S100A12: variants seen among roughly 807,000 people sequenced by gnomAD.
S100A12 encodes S100 calcium binding protein A12, also known as protein S100-A12.
In S100A12, 3 loss-of-function variants were observed where a neutral mutation model predicts 4.0. That is an observed-to-expected ratio of 0.75 (90% confidence interval 0.34 to 1.94). S100A12 has a LOEUF of 1.94. Among genes scored for constraint, S100A12 ranks in the 30% most tolerant of loss-of-function variants. The pLI is 0.07. For missense variants in S100A12, 122 were observed against 107.0 expected (o/e 1.14, Z -0.62); for synonymous variants, 50 against 41.4 (o/e 1.21, Z -0.79).
rs1426770717 is a variant in S100A12 at position 153,374,555 on chromosome 1, T to C, written c.38A>G (p.Asn13Ser). 1.9e-6 allele frequency: 3 copies of C among 1,613,942 alleles called. No homozygotes were observed. The highest frequency in any genetic ancestry group is 2.5e-6 in the Non-Finnish European group (3 of 1,179,820). Residue 13 changes from asparagine to serine, a missense_variant, in exon 2 of 3, where the codon AAT (asparagine) becomes AGT (serine). Physicochemically the swap from Asn to Ser is conservative, Grantham distance 46. Coordinates refer to ENST00000368737, the MANE Select transcript of S100A12 (RefSeq NM_005621.2). ...CCGAACTGAGTATTGGTGGAAGATA[T>C]TGACAATTCCCTCCAGATGCTCTTC... is the stretch of plus-strand genomic sequence containing the variant. ...KLEEHLEGIV[N>S]IFHQYSVRKG...
chr1:153,374,615 T>G lies in S100A12; in HGVS notation c.-20-3A>C, dbSNP rs1245840855. 18 of 1,607,990 alleles carry G rather than the reference T, an allele frequency of 1.1e-5. No homozygotes were observed. The highest frequency in any genetic ancestry group is 1.4e-5 in the Non-Finnish European group (17 of 1,176,008). ...CATCTTCCCAGCCTAATGTTAACCT[T>G]CAAGGAAACAAGGGAAGTCTAGAGG... On this transcript the variant is annotated splice_region_variant and splice_polypyrimidine_tract_variant and intron_variant, in intron 1 of 2. Coordinates refer to ENST00000368737, the MANE Select transcript of S100A12 (RefSeq NM_005621.2).
At position 153,374,561 on chromosome 1, in the gene S100A12, A is replaced by G. The variant is rs1661687003; in HGVS notation, c.32T>C (p.Ile11Thr). ...TGAGTATTGGTGGAAGATATTGACA[A>G]TTCCCTCCAGATGCTCTTCAAGTTT... MTKLEEHLEGIVNIFHQYSVR... is the reference protein window; with the variant it reads MTKLEEHLEGTVNIFHQYSVR... Residue 11 changes from isoleucine to threonine, a missense_variant, in exon 2 of 3, where the codon ATT becomes ACT. Transcript: ENST00000368737. 5.0e-6 allele frequency: 8 copies of G among 1,613,908 alleles called. No individual in the cohort carries two copies. The highest frequency in any genetic ancestry group is 6.8e-6 in the Non-Finnish European group (8 of 1,179,826).
At position 153,375,552 on chromosome 1, in the gene S100A12, C is replaced by T. The variant is rs1661717040; in HGVS notation, c.-21G>A. The T allele has an allele frequency of 6.6e-6, 1 of 152,316 alleles. No individual in the cohort carries two copies. The highest frequency in any genetic ancestry group is 2.4e-5 in the African/African-American group (1 of 41,438). 9.4% of individuals were successfully genotyped at this position (152,316 alleles called of 1,614,324 possible). ...ACCCATCCAAGGAAAATGCACTTAC[C>T]CCTCAATGCACAGGAATGTGGAGCT... On this transcript the variant is annotated splice_region_variant and 5_prime_UTR_variant, in exon 1 of 3. Transcript: ENST00000368737.
At chr1:153,374,153 A>C in intron 2 of S100A12, 186 bp from the exon 3 acceptor site, 1 of 727,062 alleles carries the variant, frequency 1.4e-6, no homozygotes, top group Admixed American at 2.0e-5. Context: ...CCCTGGAATT[A>C]ACAAGGCTTG....
chr1:153,374,046 G>A (rs778484826), intron 2 of S100A12, 79 bp from the exon 3 acceptor site: 4 of 1,398,012 alleles, frequency 2.9e-6, no homozygotes, highest in East Asian at 2.3e-5. Context: ...ATCCCTCAGA[G>A]CTCGGGTTGT....
intron 1 of S100A12, 29 bp from the exon 2 acceptor site, chr1:153,374,641 C>A (rs375552242): frequency 6.5e-7 from 1 of 1,541,892 alleles, no homozygotes; most frequent in South Asian, 1.2e-5. Flanking sequence ...AGTCTAGAGG[C>A]AGTTTCTCCC....
Position 153,373,720 on chromosome 1 carries a change from G to T in S100A12, c.*107C>A. On this transcript the variant is annotated 3_prime_UTR_variant, in exon 3 of 3. Transcript: ENST00000368737. ...AGACACTATTCAGAACTTTTCGTGA[G>T]TGTGTTTATTAACTCTTACTCCCCA... The T allele has an allele frequency of 1.1e-6, 1 of 933,984 alleles. No individual in the cohort carries two copies. The highest frequency in any genetic ancestry group is 1.7e-6 in the Non-Finnish European group (1 of 595,960). 57.9% of individuals were successfully genotyped at this position (933,984 alleles called of 1,614,324 possible). A position where few individuals can be genotyped will look rare whatever the true frequency, so the allele number is the denominator to read the frequency against.
intron 1 of S100A12, among the ~76,000 whole-genome samples, chr1:153,375,311 G>A (rs988713163): frequency 6.6e-6 from 1 of 152,170 alleles, no homozygotes; most frequent in Non-Finnish European, 1.5e-5. Flanking sequence ...GCCTCCCAAA[G>A]TGCTGGGATT....
intron 2 of S100A12, 91 bp downstream of exon 2, chr1:153,374,364 C>CA (rs1661682698): frequency 7.4e-7 from 1 of 1,356,828 alleles, no homozygotes; most frequent in African/African-American, 1.4e-5. Context: ...AACCCCACCC[C>CA]AGTCCTTGTC....
chr1:153,374,743 C>T, intron 1 of S100A12, 131 bp from the exon 2 acceptor site: 1 of 647,782 alleles, frequency 1.5e-6, no homozygotes, highest in South Asian at 1.8e-5. Flanking sequence ...GGTCTCTGCT[C>T]TGTTTGATCC....
Position 153,373,958 on chromosome 1 carries a change from C to T in S100A12, c.148G>A (p.Asp50Asn). 2 of 1,613,866 alleles carry T rather than the reference C, an allele frequency of 1.2e-6. No individual in the cohort carries two copies. Among genetic ancestry groups the T allele is most frequent in the Middle Eastern group, 1.6e-4 (1 of 6,062 alleles). The change falls in exon 3 of 3, where the codon GAT becomes AAT. Residue 50 changes from aspartate (D) to asparagine (N), a missense_variant. Coordinates refer to ENST00000368737, the MANE Select transcript of S100A12 (RefSeq NM_005621.2). Reference sequence around the variant, plus strand: ...AATATTTCATCAATGACAGCTTTATCTTTGATATTCTAGGAAAAAAGGACA... The same window carrying T: ...AATATTTCATCAATGACAGCTTTATTTTTGATATTCTAGGAAAAAAGGACA... ...ELANTIKNIK[D>N]KAVIDEIFQG...
rs747439409 is a variant in S100A12 at position 153,373,948 on chromosome 1, A to G, written c.158T>C (p.Val53Ala). Reference protein sequence around the residue: ...NTIKNIKDKAVIDEIFQGLDA... With the variant: ...NTIKNIKDKAAIDEIFQGLDA... ...CAGGCCTTGGAATATTTCATCAATG[A>G]CAGCTTTATCTTTGATATTCTAGGA... Residue 53 changes from valine (V) to alanine (A), a missense_variant, in exon 3 of 3, where the codon GTC becomes GCC. Val to Ala is a moderately conservative substitution (Grantham distance 64). Coordinates refer to ENST00000368737, the MANE Select transcript of S100A12 (RefSeq NM_005621.2). 1.9e-6 allele frequency: 3 copies of G among 1,613,716 alleles called. No individual in the cohort carries two copies. The highest frequency in any genetic ancestry group is 2.7e-5 in the African/African-American group (2 of 74,926).
At position 153,373,856 on chromosome 1, in the gene S100A12, C is replaced by A; in HGVS notation, c.250G>T (p.Ala84Ser). 6.2e-7 allele frequency: 1 copy of A among 1,613,892 alleles called. No homozygotes were observed. Among genetic ancestry groups the A allele is most frequent in the African/African-American group, 1.3e-5 (1 of 75,046 alleles). The change falls in exon 3 of 3, where the codon GCT becomes TCT. Residue 84 changes from alanine to serine, a missense_variant. Physicochemically the swap from Ala to Ser is moderately conservative, Grantham distance 99 (BLOSUM62 1). Transcript: ENST00000368737. ...TCTTTGTGGGTGTGGTAATGGGCAG[C>A]CTTCAGCGCAATGGCTACCAGGGAT... ...FISLVAIALK[A>S]AHYHTHKE
rs1418812886 is a variant in S100A12, at chr1:153,375,278, C to A, written c.-21+274G>T. 4.6e-5 allele frequency among the ~76,000 whole-genome samples: 7 copies of A among 152,166 alleles called. No individual in the cohort carries two copies. In the East Asian group the frequency reaches 1.4e-3, roughly 29 times the overall value. ...TTAGCCAGGATGGTCTCGATCTCCT[C>A]ACCTCATGATCCGCCCGCCTCGGCC... On this transcript the variant is annotated intron_variant, in intron 1 of 2. Coordinates refer to ENST00000368737, the MANE Select transcript of S100A12 (RefSeq NM_005621.2).
At chr1:153,374,860 C>T (rs1235880042) in intron 1 of S100A12, among the ~76,000 whole-genome samples, 1 of 152,176 alleles carries the variant, frequency 6.6e-6, no homozygotes, top group Non-Finnish European at 1.5e-5. Flanking sequence ...ACCACCTCAT[C>T]CACCGGGGTG....
intron 2 of S100A12, 52 bp downstream of exon 2, chr1:153,374,403 C>T: frequency 3.2e-6 from 5 of 1,560,646 alleles, no homozygotes; most frequent in Non-Finnish European, 3.5e-6. Flanking sequence ...CCTTGCCACT[C>T]CCCTCAGTGC....
In S100A12 at chr1:153,373,933, A is replaced by T; in HGVS notation, c.173T>A (p.Phe58Tyr). 6.2e-7 allele frequency: 1 copy of T among 1,613,562 alleles called. No homozygotes were observed. The highest frequency in any genetic ancestry group is 8.5e-7 in the Non-Finnish European group (1 of 1,179,470). Reference protein sequence around the residue: ...IKDKAVIDEIFQGLDANQDEQ... With the variant: ...IKDKAVIDEIYQGLDANQDEQ... ...ATCTTGATTAGCATCCAGGCCTTGG[A>T]ATATTTCATCAATGACAGCTTTATC... Residue 58 changes from phenylalanine to tyrosine, a missense_variant, in exon 3 of 3, where the codon TTC (phenylalanine) becomes TAC (tyrosine). Physicochemically the swap from Phe to Tyr is conservative, Grantham distance 22. Transcript: ENST00000368737.
chr1:153,374,055 G>T, intron 2 of S100A12, 88 bp from the exon 3 acceptor site: 1 of 1,245,090 alleles, frequency 8.0e-7, no homozygotes, highest in Non-Finnish European at 1.2e-6. Flanking sequence ...AGCTCGGGTT[G>T]TGAAGGCCCA....
In S100A12 at chr1:153,373,734, T is replaced by A; in HGVS notation, c.*93A>T. ...ACTTTTCGTGAGTGTGTTTATTAAC[T>A]CTTACTCCCCACGGGCAAGGCTGGG... On this transcript the variant is annotated 3_prime_UTR_variant, in exon 3 of 3. Coordinates refer to ENST00000368737, the MANE Select transcript of S100A12 (RefSeq NM_005621.2). 1 of 1,086,110 alleles carries A rather than the reference T, an allele frequency of 9.2e-7. No individual in the cohort carries two copies. Among genetic ancestry groups the A allele is most frequent in the Non-Finnish European group, 1.4e-6 (1 of 721,906 alleles). 67.3% of individuals were successfully genotyped at this position (1,086,110 alleles called of 1,614,324 possible).
Sources: gnomAD v4.1 joint callset for allele counts (sites outside exome capture counted in the v4.1 genomes callset) on GRCh38, gnomAD v4.1.1 for gene constraint, MANE v1.5 for transcripts, NCBI Gene and HGNC (gene_info 2026-07-23, HGNC 2026-07-21) for gene names.